The following EML6 variants were observed in gnomAD, a reference collection of about 807,000 sequenced individuals.
EML6 encodes the protein EMAP like 6, also known as echinoderm microtubule-associated protein-like 6.
In EML6, 154 loss-of-function variants were observed where a neutral mutation model predicts 240.1. The ratio of observed to expected loss-of-function variants is 0.64; its 90% CI spans 0.56 to 0.73. The LOEUF (loss-of-function observed/expected upper bound fraction) is 0.73, where lower values mean the gene tolerates loss of function less well. EML6 is among the 30% of genes least tolerant of loss of function. The pLI is 0.00. For missense variants in EML6, 2,964 were observed against 2,474.6 expected, an observed-to-expected ratio of 1.20 and a Z score of -4.20; for synonymous variants, 1,148 against 899.0, an observed-to-expected ratio of 1.28 and a Z score of -4.95.
intron 26 of EML6, among the ~76,000 whole-genome samples, chr2:54,919,253 C>T (rs917966877): frequency 6.9e-5 from 10 of 145,842 alleles, no homozygotes; most frequent in African/African-American, 2.3e-4. Context: ...CCCCCCCCCC[C>T]CAATCCTTTT....
chr2:54,825,561 C>T (rs1484198616), intron 5 of EML6, among the ~76,000 whole-genome samples: 2 of 152,154 alleles, frequency 1.3e-5, no homozygotes, highest in African/African-American at 2.4e-5. Context: ...CTGCACCTGG[C>T]TGCTTTATTA....
intron 25 of EML6, among the ~76,000 whole-genome samples, chr2:54,911,724 A>T (rs1673652345): frequency 6.6e-6 from 1 of 152,238 alleles, no homozygotes; most frequent in African/African-American, 2.4e-5. Flanking sequence ...GACGTGAGCC[A>T]CCGTGTCCAG....
chr2:54,885,961 G>C (rs1179187765), intron 17 of EML6, among the ~76,000 whole-genome samples: 1 of 151,918 alleles, frequency 6.6e-6, no homozygotes, highest in Non-Finnish European at 1.5e-5. Context: ...TCTCTTCCTT[G>C]CCTCTCATCG....
intron 2 of EML6, among the ~76,000 whole-genome samples, chr2:54,781,070 T>C (rs1668835272): frequency 6.6e-6 from 1 of 152,224 alleles, no homozygotes; most frequent in Admixed American, 6.5e-5. Flanking sequence ...TTACCTTTAT[T>C]AAGTACTTAC....
chr2:54,729,482 T>C (rs1240591230), intron 2 of EML6, among the ~76,000 whole-genome samples: 1 of 152,230 alleles, frequency 6.6e-6, no homozygotes. Flanking sequence ...TGTATATCGA[T>C]TGATCTGATC....
chr2:54,903,066 C>G lies in EML6; in HGVS notation c.3147C>G (p.Ser1049=). The change falls in exon 23 of 42, where the codon TCC becomes TCG. Residue 1049 remains serine (S), a synonymous_variant. Transcript: ENST00000356458. ...LKKGGRCCAF[S]PDGKALAVGL... is the part of the protein sequence containing the mutation. Reference sequence around the variant, plus strand: ...TAGGTGGAAGATGCTGTGCCTTTTCCCCTGATGGGAAAGCCTTAGCGGTTG... The same window carrying G: ...TAGGTGGAAGATGCTGTGCCTTTTCGCCTGATGGGAAAGCCTTAGCGGTTG... The G allele has an allele frequency of 6.4e-7, 1 of 1,551,646 alleles. No individual in the cohort carries two copies. The highest frequency in any genetic ancestry group is 2.4e-5 in the East Asian group (1 of 40,920).
intron 12 of EML6, among the ~76,000 whole-genome samples, chr2:54,860,725 T>C (rs1431812630): frequency 6.6e-6 from 1 of 152,142 alleles, no homozygotes; most frequent in Non-Finnish European, 1.5e-5. Flanking sequence ...TAGAGAAAGG[T>C]GGCAGTTTTA....
rs1573054095 is a variant in EML6, at chr2:54,879,533, T to G, written c.2345-14T>G. On this transcript the variant is annotated splice_polypyrimidine_tract_variant and intron_variant, in intron 16 of 41. Transcript: ENST00000356458. Reference sequence around the variant, plus strand: ...CATGGAAGAAATTTTGACATTTGTGTTGTTTTCATACAGCCGATGGAAAAT... The same window carrying G: ...CATGGAAGAAATTTTGACATTTGTGGTGTTTTCATACAGCCGATGGAAAAT... The G allele has an allele frequency of 6.5e-7, 1 of 1,534,252 alleles. No individual in the cohort carries two copies. The highest frequency in any genetic ancestry group is 2.0e-5 in the Admixed American group (1 of 50,578).
Position 54,930,687 on chromosome 2 carries a change from A to C in EML6, c.4004+1936A>C, listed in dbSNP as rs1319136709. On this transcript the variant is annotated intron_variant, in intron 28 of 41. Transcript: ENST00000356458. ...TAATCAAACCTTTTCTGTAGAGAGC[A>C]GCTTCCTAGGTAACTTTAAAAGCCT... 3.3e-5 allele frequency among the ~76,000 whole-genome samples: 5 copies of C among 152,328 alleles called. No individual in the cohort carries two copies. In the South Asian group the frequency reaches 1.0e-3, roughly 32 times the overall value.
chr2:54,943,263 AG>A (rs1468428462), intron 28 of EML6, among the ~76,000 whole-genome samples: 1 of 152,106 alleles, frequency 6.6e-6, no homozygotes, highest in East Asian at 1.9e-4. Flanking sequence ...CTCTTCTCAG[AG>A]GAAGTAAGTC....
chr2:54,799,261 A>G (rs532724442), intron 2 of EML6, among the ~76,000 whole-genome samples: 1 of 149,860 alleles, frequency 6.7e-6, no homozygotes, highest in Non-Finnish European at 1.5e-5. Flanking sequence ...GAGTTTTACA[A>G]TGTTGGCCAG....
chr2:54,861,748 C>T (rs923545418), intron 12 of EML6, among the ~76,000 whole-genome samples: 6 of 149,494 alleles, frequency 4.0e-5, no homozygotes, highest in African/African-American at 7.4e-5. Flanking sequence ...GCCAGTCTGA[C>T]GAGATAGGGA....
chr2:54,915,043 G>A (rs914890825), intron 25 of EML6, among the ~76,000 whole-genome samples: 7 of 152,152 alleles, frequency 4.6e-5, no homozygotes, highest in South Asian at 2.1e-4. Flanking sequence ...ATGTCTACCT[G>A]AGGCAAGGTG....
chr2:54,753,847 A>AT (rs1390505695), intron 2 of EML6, among the ~76,000 whole-genome samples: 2 of 151,656 alleles, frequency 1.3e-5, no homozygotes, highest in Non-Finnish European at 2.9e-5. Flanking sequence ...AATTAAAAAA[A>AT]TTTTTTTGGC....
intron 2 of EML6, among the ~76,000 whole-genome samples, chr2:54,756,182 G>A (rs1232076105): frequency 6.6e-6 from 1 of 152,126 alleles, no homozygotes; most frequent in African/African-American, 2.4e-5. Context: ...AATGCCCCAA[G>A]GAGGCAGAGT....
At chr2:54,937,553 TAAAAAAAAAAAAAAAA>T (rs34682923) in intron 28 of EML6, among the ~76,000 whole-genome samples, 2 of 68,152 alleles carry the variant, frequency 2.9e-5, no homozygotes, top group African/African-American at 1.2e-4. Flanking sequence ...ACTCTGTCTT[TAAAAAAAAAAAAAAAA>T]AAAAAAAAAA....
intron 6 of EML6, among the ~76,000 whole-genome samples, chr2:54,828,397 G>A (rs1343132378): frequency 1.3e-5 from 2 of 152,184 alleles, no homozygotes; most frequent in Admixed American, 6.5e-5. Context: ...ATCTACAAAT[G>A]ATAAAATTGT....
At position 54,863,888 on chromosome 2, in the gene EML6, A is replaced by C. The variant is rs1380410502; in HGVS notation, c.1931A>C (p.Gln644Pro). Reference protein sequence around the residue: ...EQEAQINYDRQVYKEDLPQLK... With the variant: ...EQEAQINYDRPVYKEDLPQLK... ...GAAGCTCAAATCAATTATGATCGCC[A>C]GGTCGGTAAGCAGGGAGCAATGAAA... Residue 644 changes from glutamine (Q) to proline (P), a missense_variant and splice_region_variant, in exon 13 of 42, where the codon CAG becomes CCG. Gln to Pro is a moderately conservative substitution (Grantham distance 76). Transcript: ENST00000356458. 1 of 1,524,526 alleles carries C rather than the reference A, an allele frequency of 6.6e-7. No individual in the cohort carries two copies. Among genetic ancestry groups the C allele is most frequent in the South Asian group, 1.2e-5 (1 of 81,310 alleles). 94.4% of individuals were successfully genotyped at this position (1,524,526 alleles called of 1,614,324 possible). A position where few individuals can be genotyped will look rare whatever the true frequency, so the allele number is the denominator to read the frequency against.
intron 3 of EML6, among the ~76,000 whole-genome samples, chr2:54,815,575 G>A (rs2104068695): frequency 6.6e-6 from 1 of 152,152 alleles, no homozygotes; most frequent in South Asian, 2.1e-4. Context: ...TAAGCTGAAT[G>A]GAATTCACCC....
Sources: allele counts gnomAD v4.1 joint callset (sites outside exome capture counted in the v4.1 genomes callset), GRCh38; gene constraint gnomAD v4.1.1; transcripts MANE v1.5; gene names NCBI Gene and HGNC (gene_info 2026-07-23, HGNC 2026-07-21).